The following KCNN2 variants were observed in gnomAD, a reference collection of about 807,000 sequenced individuals.
KCNN2 encodes the protein small conductance calcium-activated potassium channel protein 2.
KCNN2 carries 24 observed loss-of-function variants against 55.5 expected under a neutral mutation model. That is an observed-to-expected ratio of 0.43 (90% CI 0.31 to 0.61). The LOEUF is 0.61. KCNN2 is among the 20% of genes least tolerant of loss of function. KCNN2 has a pLI of 0.08. For missense variants in KCNN2, 754 were observed against 853.6 expected (o/e 0.88, Z 1.45); for synonymous variants, 431 against 336.1 (o/e 1.28, Z -3.09).
chr5:114,075,715 T>A (rs1329095404), intron 1 of KCNN2, among the ~76,000 whole-genome samples: 1 of 124,734 alleles, frequency 8.0e-6, no homozygotes, highest in Admixed American at 8.2e-5. Flanking sequence ...CCAGGTGACT[T>A]GCTTTTTAGC....
intron 3 of KCNN2, among the ~76,000 whole-genome samples, chr5:114,455,664 T>A (rs1222336927): frequency 6.6e-6 from 1 of 152,250 alleles, no homozygotes; most frequent in Non-Finnish European, 1.5e-5. Flanking sequence ...AGGCTTCTTA[T>A]ACCAAACATT....
At chr5:114,153,234 G>T (rs923936623) in intron 1 of KCNN2, among the ~76,000 whole-genome samples, 14 of 152,124 alleles carry the variant, frequency 9.2e-5, no homozygotes, top group African/African-American at 3.4e-4. Flanking sequence ...GACAGTGAGG[G>T]TGTAGCATTT....
chr5:114,479,482 CAGTATT>C (rs1471894648), intron 5 of KCNN2, among the ~76,000 whole-genome samples: 2 of 152,100 alleles, frequency 1.3e-5, no homozygotes, highest in Admixed American at 6.6e-5. Context: ...ACCTCACTGT[CAGTATT>C]AGATAATTGA....
chr5:114,441,349 C>T (rs1208124333), intron 3 of KCNN2, among the ~76,000 whole-genome samples: 1 of 152,034 alleles, frequency 6.6e-6, no homozygotes, highest in African/African-American at 2.4e-5. Context: ...TATATTAAAC[C>T]CTGTAGCCAA....
At chr5:114,394,780 T>C (rs1166807831) in intron 2 of KCNN2, among the ~76,000 whole-genome samples, 1 of 152,212 alleles carries the variant, frequency 6.6e-6, no homozygotes, top group Non-Finnish European at 1.5e-5. Context: ...TGTATTATTA[T>C]GAAATTCTCA....
chr5:114,342,191 G>A (rs1757029434), intron 2 of KCNN2, among the ~76,000 whole-genome samples: 1 of 144,206 alleles, frequency 6.9e-6, no homozygotes, highest in Non-Finnish European at 1.5e-5. Flanking sequence ...GTGAACCACT[G>A]TGCCCGGCCC....
intron 1 of KCNN2, among the ~76,000 whole-genome samples, chr5:114,100,826 G>A (rs999046211): frequency 1.3e-5 from 2 of 151,990 alleles, no homozygotes; most frequent in Non-Finnish European, 2.9e-5. Flanking sequence ...TGTCCATTTT[G>A]GCCAAAATTA....
At chr5:114,373,030 AT>A in intron 2 of KCNN2, among the ~76,000 whole-genome samples, 1 of 152,326 alleles carries the variant, frequency 6.6e-6, no homozygotes, top group Middle Eastern at 3.4e-3. Context: ...AAAGGGTATT[AT>A]TTAAGACAAC....
At chr5:114,481,587 G>C (rs1366520988) in intron 5 of KCNN2, among the ~76,000 whole-genome samples, 1 of 152,068 alleles carries the variant, frequency 6.6e-6, no homozygotes, top group Non-Finnish European at 1.5e-5. Context: ...GAGTTGCCAA[G>C]ACAATCCTAA....
rs1489594508 is a variant in KCNN2, at chr5:114,241,153, T to C, written c.-185+19588T>C. The stretch of plus-strand genomic sequence containing the variant: ...AGGAAGTTATGAAATATAACAAACA[T>C]ATTTAAAGAAGACTCAAACAGTAAA... On this transcript the variant is annotated intron_variant, in intron 2 of 10. Transcript: ENST00000512097. Among the ~76,000 whole-genome samples, 3 of 151,768 alleles carry C rather than the reference T, an allele frequency of 2.0e-5. No homozygotes were observed. The East Asian group carries it at 5.8e-4, about 29-fold the overall frequency.
intron 2 of KCNN2, among the ~76,000 whole-genome samples, chr5:114,241,363 T>C (rs1754615432): frequency 6.6e-6 from 1 of 151,906 alleles, no homozygotes; most frequent in Admixed American, 6.6e-5. Flanking sequence ...TTGAATAAAA[T>C]AGTGAAGATA....
chr5:114,314,842 A>T (rs1756468098), intron 2 of KCNN2, among the ~76,000 whole-genome samples: 1 of 152,120 alleles, frequency 6.6e-6, no homozygotes, highest in African/African-American at 2.4e-5. Flanking sequence ...CAAAACAATA[A>T]ATTGCTACAT....
At chr5:114,442,252 A>G (rs1055462588) in intron 3 of KCNN2, among the ~76,000 whole-genome samples, 4 of 150,584 alleles carry the variant, frequency 2.7e-5, no homozygotes, top group African/African-American at 9.7e-5. Context: ...ATATACATAT[A>G]TATATATAAT....
Position 114,148,818 on chromosome 5 carries a change from C to A in KCNN2, c.-270-72662C>A, listed in dbSNP as rs1580559047. ...AACAAGGAGAGATCAAATTCCTCAT[C>A]ATGATCAGAAGGAGGACTAGTAGGG... is the stretch of plus-strand genomic sequence containing the variant. On this transcript the variant is annotated intron_variant, in intron 1 of 10. Coordinates refer to the KCNN2 transcript ENST00000512097. 2.0e-5 allele frequency among the ~76,000 whole-genome samples: 3 copies of A among 152,186 alleles called. No individual in the cohort carries two copies. The East Asian group carries it at 5.8e-4, about 30-fold the overall frequency.
At chr5:114,080,860 A>G (rs978249992) in intron 1 of KCNN2, among the ~76,000 whole-genome samples, 1 of 152,156 alleles carries the variant, frequency 6.6e-6, no homozygotes, top group Non-Finnish European at 1.5e-5. Flanking sequence ...GAAATAAAAG[A>G]CATCCAAATA....
chr5:114,455,411 G>A (rs1344944912), intron 3 of KCNN2, among the ~76,000 whole-genome samples: 2 of 152,150 alleles, frequency 1.3e-5, no homozygotes, highest in Non-Finnish European at 2.9e-5. Flanking sequence ...AAACTTAAAT[G>A]ATAAATGTTG....
intron 1 of KCNN2, among the ~76,000 whole-genome samples, chr5:114,141,536 G>A (rs1240845166): frequency 6.6e-6 from 1 of 152,116 alleles, no homozygotes; most frequent in Non-Finnish European, 1.5e-5. Context: ...TATCATTGAT[G>A]GACATTTGGG....
chr5:114,199,473 A>G (rs959538629), intron 1 of KCNN2, among the ~76,000 whole-genome samples: 13 of 152,024 alleles, frequency 8.6e-5, no homozygotes, highest in Non-Finnish European at 8.8e-5. Context: ...ATTGTTTTCA[A>G]GTTGTTTCAT....
At chr5:114,284,729 A>G (rs1755699983) in intron 2 of KCNN2, among the ~76,000 whole-genome samples, 1 of 151,686 alleles carries the variant, frequency 6.6e-6, no homozygotes, top group Non-Finnish European at 1.5e-5. Context: ...CATGTTGGCC[A>G]GGATGGTCTT....
Sources: allele counts gnomAD v4.1 joint callset (sites outside exome capture counted in the v4.1 genomes callset), GRCh38; gene constraint gnomAD v4.1.1; transcripts MANE v1.5; gene names NCBI Gene and HGNC (gene_info 2026-07-23, HGNC 2026-07-21).